Variants in CACHD1 observed in about 807,000 individuals in gnomAD.
CACHD1 encodes the protein VWFA and cache domain-containing protein 1.
CACHD1 carries 71 observed loss-of-function variants against 138.7 expected under a neutral mutation model. The observed-to-expected ratio is 0.51, with a 90% CI of 0.42 to 0.62. CACHD1 has a LOEUF of 0.62. CACHD1 is among the 20% of genes least tolerant of loss of function. The pLI is 0.00. For synonymous variants in CACHD1, 578 were observed against 591.5 expected (o/e 0.98, Z 0.33); for missense variants, 1,389 against 1,625.3 (o/e 0.85, Z 2.50).
intron 26 of CACHD1, among the ~76,000 whole-genome samples, chr1:64,691,061 T>G (rs946666985): frequency 4.1e-5 from 5 of 120,998 alleles, no homozygotes; most frequent in African/African-American, 1.6e-4. Flanking sequence ...TTCTTGTTTA[T>G]TTTTTTTTTC....
Position 64,641,208 on chromosome 1 carries a change from G to C in CACHD1, c.1007-612G>C, listed in dbSNP as rs151119473. Reference sequence around the variant, plus strand: ...GACAAAGAAAATTAGTTGTAGAGAGGTTGAGAAATTTGCCTCAATTACCCA... The same window carrying C: ...GACAAAGAAAATTAGTTGTAGAGAGCTTGAGAAATTTGCCTCAATTACCCA... On this transcript the variant is annotated intron_variant, in intron 7 of 26. Coordinates refer to ENST00000651257, the MANE Select transcript of CACHD1 (RefSeq NM_020925.4). Among the ~76,000 whole-genome samples, 4 of 152,236 alleles carry C rather than the reference G, an allele frequency of 2.6e-5. No individual in the cohort carries two copies. The East Asian group carries it at 7.7e-4, about 29-fold the overall frequency.
chr1:64,611,873 A>G (rs1000597345), intron 4 of CACHD1, among the ~76,000 whole-genome samples: 4 of 152,228 alleles, frequency 2.6e-5, no homozygotes, highest in Admixed American at 2.0e-4. Context: ...TCATACTGCT[A>G]TACAGATACT....
At chr1:64,680,659 G>T (rs1217396008) in intron 24 of CACHD1, among the ~76,000 whole-genome samples, 1 of 152,138 alleles carries the variant, frequency 6.6e-6, no homozygotes, top group Non-Finnish European at 1.5e-5. Flanking sequence ...AGTCCCCGGG[G>T]ATGTGTTGAC....
intron 15 of CACHD1, 78 bp downstream of exon 15, chr1:64,664,757 A>G (rs1029166157): frequency 1.2e-5 from 16 of 1,299,688 alleles, no homozygotes; most frequent in Non-Finnish European, 1.6e-5. Context: ...ACAATAAAGC[A>G]ACTTCAGGGC....
chr1:64,583,728 G>C (rs187094986), intron 3 of CACHD1, among the ~76,000 whole-genome samples: 1 of 152,148 alleles, frequency 6.6e-6, no homozygotes, highest in African/African-American at 2.4e-5. Flanking sequence ...CAATCATGGC[G>C]GAAAGTGAAG....
chr1:64,472,524 A>C (rs2100251722), intron 1 of CACHD1, among the ~76,000 whole-genome samples: 1 of 152,374 alleles, frequency 6.6e-6, no homozygotes, highest in East Asian at 1.9e-4. Context: ...TTGCATAATA[A>C]TAGATAAGCT....
chr1:64,691,426 C>T lies in CACHD1; in HGVS notation c.3690C>T (p.Asp1230=). Residue 1230 remains aspartate, a synonymous_variant, in exon 27 of 27, where the codon GAC becomes GAT. Transcript: ENST00000651257. Reference sequence around the variant, plus strand: ...TGGGAAACCATGATGAGGACTTAGACCTGGATACCCCCCCTCAGACTGCTG... The same window carrying T: ...TGGGAAACCATGATGAGGACTTAGATCTGGATACCCCCCCTCAGACTGCTG... ...VDVGNHDEDL[D]LDTPPQTAAL... 1.2e-6 allele frequency: 2 copies of T among 1,614,116 alleles called. No homozygotes were observed. Among genetic ancestry groups the T allele is most frequent in the Non-Finnish European group, 1.7e-6 (2 of 1,180,024 alleles).
chr1:64,614,441 GGTT>G (rs1557520082), intron 4 of CACHD1, among the ~76,000 whole-genome samples: 2 of 151,744 alleles, frequency 1.3e-5, no homozygotes, highest in African/African-American at 4.8e-5. Context: ...CCTGCCTATG[GGTT>G]GTTCTTCTTT....
At chr1:64,670,095 G>A (rs759485748) in intron 16 of CACHD1, among the ~76,000 whole-genome samples, 4 of 152,114 alleles carry the variant, frequency 2.6e-5, no homozygotes, top group African/African-American at 4.8e-5. Flanking sequence ...GATCTAAGAA[G>A]GCAGTACAAC....
intron 14 of CACHD1, chr1:64,664,248 AG>A (rs752151679): frequency 1.8e-6 from 1 of 548,762 alleles, no homozygotes; most frequent in Non-Finnish European, 3.2e-6. Flanking sequence ...GACTCGCTAT[AG>A]GATTTTTCTT....
chr1:64,520,412 A>G (rs1284169984), intron 1 of CACHD1, among the ~76,000 whole-genome samples: 1 of 152,208 alleles, frequency 6.6e-6, no homozygotes, highest in Non-Finnish European at 1.5e-5. Flanking sequence ...GTTAATGAAC[A>G]TGGATGGTGG....
At chr1:64,504,299 G>A (rs1249912012) in intron 1 of CACHD1, among the ~76,000 whole-genome samples, 1 of 152,178 alleles carries the variant, frequency 6.6e-6, no homozygotes, top group Non-Finnish European at 1.5e-5. Context: ...CAAAGTGCTG[G>A]GATTACAGGC....
In CACHD1 at chr1:64,691,525, G is replaced by A. The variant is rs199527729; in HGVS notation, c.3789G>A (p.Ala1263=). The change falls in exon 27 of 27, where the codon GCG becomes GCA. Residue 1263 remains alanine, a synonymous_variant. Transcript: ENST00000651257. ...TTCATCATAGCCACCACTTACAGGC[G>A]GCCGTCACGGTACACACTGTCGATG... ...PTLHHSHHLQ[A]AVTVHTVDAE... is the part of the protein sequence containing the mutation. 8.5e-5 allele frequency: 137 copies of A among 1,613,816 alleles called. No individual in the cohort carries two copies. The highest frequency in any genetic ancestry group is 8.2e-4 in the Middle Eastern group (5 of 6,084).
intron 3 of CACHD1, among the ~76,000 whole-genome samples, chr1:64,598,683 A>G (rs904550620): frequency 1.3e-5 from 2 of 152,170 alleles, no homozygotes; most frequent in African/African-American, 2.4e-5. Flanking sequence ...TAGGGGTTCC[A>G]TGATAATCAT....
chr1:64,543,608 A>G (rs1483954877), intron 1 of CACHD1, among the ~76,000 whole-genome samples: 1 of 151,478 alleles, frequency 6.6e-6, no homozygotes, highest in Non-Finnish European at 1.5e-5. Context: ...CAAGATCTAT[A>G]GCAACAGATT....
chr1:64,623,044 TA>T (rs1647972040), intron 4 of CACHD1, among the ~76,000 whole-genome samples: 1 of 152,196 alleles, frequency 6.6e-6, no homozygotes, highest in Non-Finnish European at 1.5e-5. Flanking sequence ...GTCTAGGTTT[TA>T]AGACATATTT....
intron 3 of CACHD1, among the ~76,000 whole-genome samples, chr1:64,599,012 T>C (rs539379697): frequency 6.6e-6 from 1 of 151,550 alleles, no homozygotes; most frequent in South Asian, 2.1e-4. Context: ...TGAATGGCAT[T>C]AGTGCCCTTA....
rs760264694 is a variant in CACHD1, at chr1:64,691,348, G to A, written c.3612G>A (p.Glu1204=). 3 of 1,614,014 alleles carry A rather than the reference G, an allele frequency of 1.9e-6. No homozygotes were observed. The highest frequency in any genetic ancestry group is 2.5e-6 in the Non-Finnish European group (3 of 1,179,992). Residue 1204 remains glutamate (E), a synonymous_variant, in exon 27 of 27, where the codon GAG becomes GAA. Coordinates refer to ENST00000651257, the MANE Select transcript of CACHD1 (RefSeq NM_020925.4). ...GTTACAGCACCATGAGCCCACAGGAGGACAGTGAAAATCCTCCATGCAACA... is the reference window on the plus strand; with the variant it reads ...GTTACAGCACCATGAGCCCACAGGAAGACAGTGAAAATCCTCCATGCAACA... ...DHGYSTMSPQ[E]DSENPPCNND... is the part of the protein sequence containing the mutation.
intron 2 of CACHD1, among the ~76,000 whole-genome samples, chr1:64,551,456 GACCATCAAC>G (rs1407624397): frequency 6.6e-6 from 1 of 152,096 alleles, no homozygotes; most frequent in East Asian, 1.9e-4. Flanking sequence ...TACAGTATGT[GACCATCAAC>G]ACCATCAACT....
Sources: gnomAD v4.1 joint callset for allele counts (sites outside exome capture counted in the v4.1 genomes callset) on GRCh38, gnomAD v4.1.1 for gene constraint, MANE v1.5 for transcripts, NCBI Gene and HGNC (gene_info 2026-07-23, HGNC 2026-07-21) for gene names.